The following CPZ variants were observed in gnomAD, a reference collection of about 807,000 sequenced individuals.
CPZ encodes the protein carboxypeptidase Z, also known as VEZT/CPZ fusion.
A neutral mutation model predicts 61.8 loss-of-function variants in CPZ; 103 were observed. The observed-to-expected ratio is 1.67, with a 90% CI of 1.42 to 1.96. CPZ has a LOEUF of 1.96. CPZ is among the 30% of genes most tolerant of loss of function. CPZ has a pLI of 0.00. For missense variants in CPZ, 1,461 were observed against 914.9 expected (o/e 1.60, Z -7.70); for synonymous variants, 551 against 373.7 (o/e 1.47, Z -5.47).
Position 8,617,808 on chromosome 4 carries a change from A to C in CPZ, c.1504-621A>C, listed in dbSNP as rs377759225. ...GGGGCCGTGTGGGTGGTTTGTCATC[A>C]ACTGTTTTACAAGAAATGTGGACAG... On this transcript the variant is annotated intron_variant, in intron 9 of 10. Coordinates refer to ENST00000360986, the MANE Select transcript of CPZ (RefSeq NM_001014447.3). Among the ~76,000 whole-genome samples the C allele has an allele frequency of 4.3e-4, 65 of 152,278 alleles. No homozygotes were observed. The East Asian group carries it at 7.2e-3, about 17-fold the overall frequency.
At position 8,614,498 on chromosome 4, in the gene CPZ, G is replaced by T; in HGVS notation, c.1503G>T (p.Thr501=). The T allele has an allele frequency of 6.2e-7, 1 of 1,613,022 alleles. No homozygotes were observed. ...AGTCACTCCTGAATTTCGTGGAGAC[G>T]GTGAGTTCTGACGGTCTCAGGGCTC... The part of the protein sequence containing the change: ...NKESLLNFVE[T]VHRGIKGVVT... Residue 501 remains threonine (T), a splice_region_variant and synonymous_variant, in exon 9 of 11, where the codon ACG becomes ACT. Transcript: ENST00000360986.
At chr4:8,607,557 C>T (rs1049947948) in intron 7 of CPZ, 132 bp downstream of exon 7, 11 of 1,014,604 alleles carry the variant, frequency 1.1e-5, no homozygotes, top group Non-Finnish European at 1.5e-5. Flanking sequence ...GGGTCAGCAC[C>T]ACCTGCTCCA....
chr4:8,611,886 C>G, intron 7 of CPZ, 141 bp from the exon 8 acceptor site: 3 of 1,214,404 alleles, frequency 2.5e-6, no homozygotes, highest in Non-Finnish European at 3.5e-6. Flanking sequence ...CACCGTTCCC[C>G]TCTCCTACCT....
rs779928136 is a variant in CPZ at position 8,606,808 on chromosome 4, G to T, written c.978G>T (p.Pro326=). Residue 326 remains proline, a synonymous_variant, in exon 6 of 11, where the codon CCG becomes CCT. Transcript: ENST00000360986. ...ACCTGGATCTGAACCGAAATTTCCCGGACCTGACGTCCGAGTACTACCGGC... is the reference window on the plus strand; with the variant it reads ...ACCTGGATCTGAACCGAAATTTCCCTGACCTGACGTCCGAGTACTACCGGC... ...AQNLDLNRNF[P]DLTSEYYRLA... 1 of 1,614,162 alleles carries T rather than the reference G, an allele frequency of 6.2e-7. No homozygotes were observed. The highest frequency in any genetic ancestry group is 1.7e-5 in the Admixed American group (1 of 60,036).
At chr4:8,616,329 T>C (rs1716157621) in intron 9 of CPZ, among the ~76,000 whole-genome samples, 1 of 152,146 alleles carries the variant, frequency 6.6e-6, no homozygotes, top group Non-Finnish European at 1.5e-5. Flanking sequence ...GAGAACCGCA[T>C]GTGCCCTGTG....
At chr4:8,617,177 G>T (rs1011550512) in intron 9 of CPZ, among the ~76,000 whole-genome samples, 4 of 152,260 alleles carry the variant, frequency 2.6e-5, no homozygotes, top group African/African-American at 9.6e-5. Context: ...CACGGCGGGG[G>T]TCAGCCGCGG....
intron 7 of CPZ, among the ~76,000 whole-genome samples, chr4:8,610,699 G>A (rs1715578849): frequency 6.6e-6 from 1 of 152,196 alleles, no homozygotes; most frequent in African/African-American, 2.4e-5. Flanking sequence ...TATGAGGCAG[G>A]GCAGGCCACT....
At chr4:8,598,639 C>T (rs1269632646) in intron 1 of CPZ, among the ~76,000 whole-genome samples, 2 of 152,242 alleles carry the variant, frequency 1.3e-5, no homozygotes, top group African/African-American at 4.8e-5. Context: ...CCCGTCCCAG[C>T]ACTAGCCGGG....
In CPZ at chr4:8,612,146, G is replaced by T. The variant is rs1275874201; in HGVS notation, c.1347G>T (p.Trp449Cys). 1.4e-6 allele frequency: 2 copies of T among 1,414,014 alleles called. No homozygotes were observed. The highest frequency in any genetic ancestry group is 1.5e-5 in the African/African-American group (1 of 66,532). The allele number at this position is 1,414,014 out of a possible 1,614,324, so 87.6% of individuals were successfully genotyped here. A position where few individuals can be genotyped will look rare whatever the true frequency, so the allele number is the denominator to read the frequency against. Residue 449 changes from tryptophan (W) to cysteine (C), a missense_variant, in exon 8 of 11, where the codon TGG becomes TGT. Physicochemically the swap from Trp to Cys is radical, Grantham distance 215 (BLOSUM62 -2). Coordinates refer to ENST00000360986, the MANE Select transcript of CPZ (RefSeq NM_001014447.3). ...KRGSIINGAD[W>C]YSFTGGMSDF... is the part of the protein sequence containing the mutation. ...GGAGCATCATCAACGGGGCGGACTG[G>T]TACAGCTTCACGGGAGGTGCGGCTT...
At position 8,592,846 on chromosome 4, in the gene CPZ, C is replaced by G. The variant is rs1425081561; in HGVS notation, c.13C>G (p.Leu5Val). The G allele has an allele frequency of 4.1e-6, 6 of 1,467,388 alleles. No homozygotes were observed. The highest frequency in any genetic ancestry group is 5.4e-6 in the Non-Finnish European group (6 of 1,110,676). The allele number at this position is 1,467,388 out of a possible 1,614,324, so 90.9% of individuals were successfully genotyped here. A position where few individuals can be genotyped will look rare whatever the true frequency, so the allele number is the denominator to read the frequency against. ...CCGCCGCCCCACCATGCCGCCCCCG[C>G]TGCCGCTGCTGCTCCTTACAGTCCT... The part of the protein sequence containing the change: MPPP[L>V]PLLLLTVLVV... Residue 5 changes from leucine to valine, a missense_variant, in exon 1 of 11, where the codon CTG becomes GTG. Physicochemically the swap from Leu to Val is conservative, Grantham distance 32. Coordinates refer to ENST00000360986, the MANE Select transcript of CPZ (RefSeq NM_001014447.3).
At chr4:8,596,610 G>A (rs950807923) in intron 1 of CPZ, among the ~76,000 whole-genome samples, 1 of 152,228 alleles carries the variant, frequency 6.6e-6, no homozygotes, top group Non-Finnish European at 1.5e-5. Flanking sequence ...CCCTCCTGTT[G>A]TATTAATCTT....
Position 8,606,198 on chromosome 4 carries a change from A to T in CPZ, c.906+13A>T, listed in dbSNP as rs1452352411. On this transcript the variant is annotated intron_variant, in intron 5 of 10. Transcript: ENST00000360986. ...GGCAGCTGCCGAGGTGAGCGCCCAG[A>T]TGCCTGGATCCTGTGGGCCACCGCC... The T allele has an allele frequency of 1.2e-6, 2 of 1,609,330 alleles. No individual in the cohort carries two copies. Among genetic ancestry groups the T allele is most frequent in the Admixed American group, 3.3e-5 (2 of 59,808 alleles).
Position 8,607,329 on chromosome 4 carries a change from C to T in CPZ, c.1131C>T (p.Ala377=). The change falls in exon 7 of 11, where the codon GCC becomes GCT. Residue 377 remains alanine (A), a synonymous_variant. Transcript: ENST00000360986. Reference sequence around the variant, plus strand: ...AGACCATACCCTTTGTGCTCTCAGCCAGCCTTCATGGGGGCGACCTGGTGG... The same window carrying T: ...AGACCATACCCTTTGTGCTCTCAGCTAGCCTTCATGGGGGCGACCTGGTGG... ...WMQTIPFVLS[A]SLHGGDLVVS... is the part of the protein sequence containing the mutation. 3.1e-6 allele frequency: 5 copies of T among 1,614,134 alleles called. No individual in the cohort carries two copies. Among genetic ancestry groups the T allele is most frequent in the Non-Finnish European group, 3.4e-6 (4 of 1,179,994 alleles).
At chr4:8,615,470 CA>C (rs1716085604) in intron 9 of CPZ, among the ~76,000 whole-genome samples, 2 of 152,210 alleles carry the variant, frequency 1.3e-5, no homozygotes, top group Admixed American at 1.3e-4. Flanking sequence ...CACAGATGCC[CA>C]GTGAGAAGCA....
rs1245781030 is a variant in CPZ at position 8,593,039 on chromosome 4, C to T, written c.88+118C>T. On this transcript the variant is annotated intron_variant, in intron 1 of 10. Transcript: ENST00000360986. ...TCCAGTAGGTCACGCGCCTATGGTC[C>T]TGGCGAGAACGTCTCCAAAGTGGGC... The T allele has an allele frequency of 1.6e-5, 12 of 760,148 alleles. No individual in the cohort carries two copies. The African/African-American group carries it at 2.2e-4, about 14-fold the overall frequency. 47.1% of individuals were successfully genotyped at this position (760,148 alleles called of 1,614,324 possible).
intron 7 of CPZ, among the ~76,000 whole-genome samples, chr4:8,610,733 A>C (rs1016963428): frequency 3.3e-5 from 5 of 152,158 alleles, no homozygotes; most frequent in Admixed American, 1.3e-4. Context: ...TGCCCCACCC[A>C]CAGGTGCAGG....
chr4:8,616,673 T>C (rs181973165), intron 9 of CPZ, among the ~76,000 whole-genome samples: 1 of 151,422 alleles, frequency 6.6e-6, no homozygotes, highest in Non-Finnish European at 1.5e-5. Flanking sequence ...TGTCTGGGGG[T>C]GAGGAGGAGC....
chr4:8,614,543 G>A (rs1451645806), intron 9 of CPZ, 45 bp downstream of exon 9: 3 of 1,596,472 alleles, frequency 1.9e-6, no homozygotes, highest in Non-Finnish European at 2.6e-6. Context: ...TGTGGCCTGG[G>A]TGGGGTGGGT....
At chr4:8,613,812 C>T (rs1278305347) in intron 8 of CPZ, among the ~76,000 whole-genome samples, 1 of 152,196 alleles carries the variant, frequency 6.6e-6, no homozygotes, top group African/African-American at 2.4e-5. Flanking sequence ...CGTGGTCTCC[C>T]TGGGAGATGG....
Sources: gnomAD v4.1 joint callset for allele counts (sites outside exome capture counted in the v4.1 genomes callset) on GRCh38, gnomAD v4.1.1 for gene constraint, MANE v1.5 for transcripts, NCBI Gene and HGNC (gene_info 2026-07-23, HGNC 2026-07-21) for gene names.